The following CCDC102B variants were observed in gnomAD, a reference collection of about 807,000 sequenced individuals.
CCDC102B encodes the protein coiled-coil domain containing 102B.
Under a neutral mutation model 57.4 loss-of-function variants are expected in CCDC102B, and 75 were observed. The observed-to-expected ratio is 1.31, with a 90% CI of 1.08 to 1.58. The LOEUF is 1.58. CCDC102B is among the 40% of genes most tolerant of loss of function. The pLI, the probability that CCDC102B is intolerant of heterozygous loss-of-function variation, is 0.00. For synonymous variants in CCDC102B, 206 were observed against 201.9 expected, an observed-to-expected ratio of 1.02 and a Z score of -0.17; for missense variants, 636 against 582.6, an observed-to-expected ratio of 1.09 and a Z score of -0.94.
chr18:68,917,351 AGCC>A (rs2041109547), intron 6 of CCDC102B, among the ~76,000 whole-genome samples: 1 of 152,020 alleles, frequency 6.6e-6, no homozygotes, highest in South Asian at 2.1e-4. Context: ...ATGGCTGATG[AGCC>A]TGGGGAGTAG....
Position 68,717,123 on chromosome 18 carries a change from G to A in CCDC102B, c.-67+529G>A, listed in dbSNP as rs567937852. 7.9e-5 allele frequency among the ~76,000 whole-genome samples: 12 copies of A among 152,030 alleles called. No homozygotes were observed. In the South Asian group the frequency reaches 2.5e-3, roughly 32 times the overall value. On this transcript the variant is annotated intron_variant, in intron 2 of 3. Transcript: ENST00000578970. ...GCCAGATGTGGTGGCACACACCTGT[G>A]GTCCCAGCTACTCCAGAGGCTGAGG... is the stretch of plus-strand genomic sequence containing the variant.
intron 6 of CCDC102B, among the ~76,000 whole-genome samples, chr18:69,003,298 A>G (rs2051255696): frequency 6.6e-6 from 1 of 152,152 alleles, no homozygotes; most frequent in African/African-American, 2.4e-5. Context: ...CATTTAAATG[A>G]TCATAACTTT....
intron 1 of CCDC102B, among the ~76,000 whole-genome samples, chr18:68,833,158 C>T (rs1356888617): frequency 6.6e-6 from 1 of 152,076 alleles, no homozygotes; most frequent in Non-Finnish European, 1.5e-5. Context: ...GGTGGTAGCT[C>T]AGGATTCAAA....
intron 1 of CCDC102B, among the ~76,000 whole-genome samples, chr18:68,827,495 TA>T (rs150444930): frequency 0.022 from 3,400 of 151,990 alleles, 101 homozygotes; most frequent in African/African-American, 0.064. Context: ...TACAAAGTGA[TA>T]AACTAAAAAA....
chr18:68,949,062 G>A (rs1484969724), intron 6 of CCDC102B, among the ~76,000 whole-genome samples: 1 of 152,094 alleles, frequency 6.6e-6, no homozygotes, highest in Non-Finnish European at 1.5e-5. Flanking sequence ...TGTGGGCTGG[G>A]AGGGTAGGCC....
At chr18:68,791,612 TAG>T (rs1222859734) in intron 2 of CCDC102B, among the ~76,000 whole-genome samples, 2 of 122,458 alleles carry the variant, frequency 1.6e-5, no homozygotes, top group Non-Finnish European at 3.5e-5. Flanking sequence ...AATGTGTAAA[TAG>T]AGTGTGTGTA....
At chr18:68,891,302 G>T (rs1406149499) in intron 5 of CCDC102B, among the ~76,000 whole-genome samples, 1 of 152,118 alleles carries the variant, frequency 6.6e-6, no homozygotes, top group South Asian at 2.1e-4. Flanking sequence ...ATATTCTGTG[G>T]TTATGTAATC....
chr18:68,866,377 A>C (rs2038980092), intron 4 of CCDC102B: 1 of 152,654 alleles, frequency 6.6e-6, no homozygotes, highest in African/African-American at 2.4e-5. Flanking sequence ...GAAGGAATAA[A>C]ATAACAACAT....
chr18:68,795,624 C>A (rs1430617186), upstream of CCDC102B, among the ~76,000 whole-genome samples: 2 of 152,112 alleles, frequency 1.3e-5, no homozygotes, highest in Non-Finnish European at 2.9e-5. Flanking sequence ...ACATTCTCCC[C>A]TGTGCGTTTT....
chr18:68,856,908 A>G (rs897670027), intron 4 of CCDC102B, among the ~76,000 whole-genome samples: 32 of 148,628 alleles, frequency 2.2e-4, no homozygotes, highest in African/African-American at 7.5e-4. Context: ...GCATGAATGC[A>G]CACATTTATA....
rs757664397 is a variant in CCDC102B at position 68,837,069 on chromosome 18, G to A, written c.306G>A (p.Trp102Ter). 18 of 1,614,170 alleles carry A rather than the reference G, an allele frequency of 1.1e-5. No individual in the cohort carries two copies. The South Asian group carries it at 1.8e-4, about 16-fold the overall frequency. Residue 102 changes from tryptophan (W) to a stop codon, truncating the protein, a stop_gained, in exon 2 of 8, where the codon TGG becomes TGA. Coordinates refer to ENST00000360242, the MANE Select transcript of CCDC102B (RefSeq NM_024781.3). LOFTEE classifies it high-confidence loss of function. ...MRWWSDCTAN[W>*]REKWSKVRAE... ...GGTGGTCGGACTGCACTGCCAACTG[G>A]AGAGAAAAATGGAGTAAAGTTCGAG...
At chr18:68,785,610 G>C (rs966213417) in intron 2 of CCDC102B, among the ~76,000 whole-genome samples, 8 of 150,080 alleles carry the variant, frequency 5.3e-5, no homozygotes, top group African/African-American at 1.7e-4. Context: ...GTGTTTTTTG[G>C]CTGCATAAAT....
intron 2 of CCDC102B, among the ~76,000 whole-genome samples, chr18:68,767,324 G>A (rs887747295): frequency 2.6e-5 from 4 of 152,158 alleles, no homozygotes; most frequent in African/African-American, 9.7e-5. Context: ...CCTATAACGA[G>A]GTTAGTGCCA....
intron 3 of CCDC102B, 150 bp from the exon 4 acceptor site, chr18:68,846,163 T>A (rs2037846341): frequency 4.9e-6 from 2 of 408,196 alleles, no homozygotes; most frequent in Non-Finnish European, 8.8e-6. Context: ...ATATTTATAA[T>A]TTTTAATGAG....
intron 6 of CCDC102B, among the ~76,000 whole-genome samples, chr18:68,917,093 A>G (rs955547563): frequency 2.6e-5 from 4 of 152,286 alleles, no homozygotes; most frequent in South Asian, 2.1e-4. Flanking sequence ...TCAACCTCCC[A>G]TTGTTCATAG....
chr18:68,934,348 A>G (rs2041776602), intron 6 of CCDC102B, among the ~76,000 whole-genome samples: 1 of 151,998 alleles, frequency 6.6e-6, no homozygotes, highest in Non-Finnish European at 1.5e-5. Context: ...TATCTCTTTG[A>G]TAAGAAGATA....
intron 4 of CCDC102B, among the ~76,000 whole-genome samples, chr18:68,856,475 T>C (rs2038392187): frequency 6.6e-6 from 1 of 152,088 alleles, no homozygotes; most frequent in Non-Finnish European, 1.5e-5. Context: ...TTTTTAAAAT[T>C]TTTGGAAAAG....
At chr18:68,980,069 A>C (rs1312093333) in intron 6 of CCDC102B, among the ~76,000 whole-genome samples, 1 of 152,018 alleles carries the variant, frequency 6.6e-6, no homozygotes, top group East Asian at 1.9e-4. Flanking sequence ...GACACTTCAG[A>C]GTGTCCAGGG....
At chr18:68,912,109 A>G (rs1455978124) in intron 6 of CCDC102B, among the ~76,000 whole-genome samples, 2 of 152,150 alleles carry the variant, frequency 1.3e-5, no homozygotes, top group African/African-American at 2.4e-5. Flanking sequence ...TGACTTGTTG[A>G]TATCATCTGG....
Sources: allele counts gnomAD v4.1 joint callset (sites outside exome capture counted in the v4.1 genomes callset), GRCh38; gene constraint gnomAD v4.1.1; transcripts MANE v1.5; gene names NCBI Gene and HGNC (gene_info 2026-07-23, HGNC 2026-07-21).